The following ZNF528 variants were observed in gnomAD, a reference collection of about 807,000 sequenced individuals.
The protein encoded by ZNF528 is zinc finger protein 528.
In ZNF528, 9 loss-of-function variants were observed where a neutral mutation model predicts 13.3. The observed-to-expected ratio is 0.67, with a 90% CI of 0.41 to 1.18. The LOEUF (loss-of-function observed/expected upper bound fraction) is 1.18, where lower values mean the gene tolerates loss of function less well. ZNF528 is among the 50% of genes most tolerant of loss of function. The pLI, the probability that ZNF528 is intolerant of heterozygous loss-of-function variation, is 0.01. For missense variants in ZNF528, 858 were observed against 745.4 expected, an observed-to-expected ratio of 1.15 and a Z score of -1.76; for synonymous variants, 264 against 254.3, an observed-to-expected ratio of 1.04 and a Z score of -0.36.
intron 2 of ZNF528, among the ~76,000 whole-genome samples, chr19:52,400,164 T>A (rs1342584348): frequency 2.0e-5 from 3 of 151,416 alleles, no homozygotes; most frequent in African/African-American, 7.3e-5. Flanking sequence ...CACAGTGTCA[T>A]CAGATTTTAC....
intron 4 of ZNF528, among the ~76,000 whole-genome samples, chr19:52,405,423 C>T (rs1489287902): frequency 6.6e-6 from 1 of 151,540 alleles, no homozygotes; most frequent in Non-Finnish European, 1.5e-5. Flanking sequence ...CCCAGCTACT[C>T]CAGAGGCTGA....
chr19:52,413,633 T>C (rs1362325693), intron 6 of ZNF528: 1 of 152,496 alleles, frequency 6.6e-6, no homozygotes, highest in Non-Finnish European at 1.5e-5. Context: ...CTATTTCTGC[T>C]ACTGAAGGAG....
rs757277665 is a variant in ZNF528, at chr19:52,416,458, C to G, written c.1606C>G (p.Leu536Val). The G allele has an allele frequency of 3.7e-6, 6 of 1,614,158 alleles. No homozygotes were observed. The highest frequency in any genetic ancestry group is 5.1e-6 in the Non-Finnish European group (6 of 1,180,036). Residue 536 changes from leucine to valine, a missense_variant, in exon 7 of 7, where the codon CTT (leucine) becomes GTT (valine). Physicochemically the swap from Leu to Val is conservative, Grantham distance 32. Coordinates refer to ENST00000360465, the MANE Select transcript of ZNF528 (RefSeq NM_032423.3). ...CGKVFNQASY[L>V]TRHQIIHTGE... is the part of the protein sequence containing the mutation. Reference sequence around the variant, plus strand: ...CAAGGTCTTTAATCAAGCATCATACCTTACAAGACATCAAATAATTCATAC... The same window carrying G: ...CAAGGTCTTTAATCAAGCATCATACGTTACAAGACATCAAATAATTCATAC...
Position 52,415,585 on chromosome 19 carries a change from G to C in ZNF528, c.733G>C (p.Glu245Gln). Residue 245 changes from glutamate to glutamine, a missense_variant, in exon 7 of 7, where the codon GAA becomes CAA. Coordinates refer to ENST00000360465, the MANE Select transcript of ZNF528 (RefSeq NM_032423.3). Reference protein sequence around the residue: ...HTGEKPYKCHECGKLFSSNSN... With the variant: ...HTGEKPYKCHQCGKLFSSNSN... ...TGGAGAGAAGCCTTACAAATGTCAT[G>C]AATGTGGCAAGCTCTTCAGTAGCAA... 1.2e-6 allele frequency: 2 copies of C among 1,614,088 alleles called. No homozygotes were observed. The highest frequency in any genetic ancestry group is 1.7e-6 in the Non-Finnish European group (2 of 1,180,010).
At chr19:52,410,666 C>G (rs923829398) in intron 6 of ZNF528, among the ~76,000 whole-genome samples, 1 of 152,116 alleles carries the variant, frequency 6.6e-6, no homozygotes, top group Admixed American at 6.5e-5. Flanking sequence ...ATTGGCCTAC[C>G]TAAAAGTTCT....
Position 52,406,088 on chromosome 19 carries a change from G to A in ZNF528, c.142+55G>A, listed in dbSNP as rs1239702425. ...ATCTGCCCTGGTGGATCTCTGAATT[G>A]TGTCTTATATGCCTCTTGGGAGCTC... On this transcript the variant is annotated intron_variant, in intron 5 of 6. Coordinates refer to ENST00000360465, the MANE Select transcript of ZNF528 (RefSeq NM_032423.3). 4 of 1,567,434 alleles carry A rather than the reference G, an allele frequency of 2.6e-6. No individual in the cohort carries two copies. The East Asian group carries it at 6.9e-5, about 27-fold the overall frequency.
At chr19:52,414,602 G>T in intron 6 of ZNF528, 1 of 433,580 alleles carries the variant, frequency 2.3e-6, no homozygotes, top group Non-Finnish European at 4.2e-6. Context: ...ATTACCTTCA[G>T]CAAACCTTCT....
chr19:52,411,319 G>A (rs2058928195), intron 6 of ZNF528: 1 of 152,152 alleles, frequency 6.6e-6, no homozygotes, highest in South Asian at 2.1e-4. Context: ...TGCTTCTCGT[G>A]TAATGGTATA....
At chr19:52,413,483 A>G (rs748824279) in intron 6 of ZNF528, 2 of 152,216 alleles carry the variant, frequency 1.3e-5, no homozygotes, top group Non-Finnish European at 1.5e-5. Flanking sequence ...AATTCCTTCA[A>G]CAACTAAACT....
intron 6 of ZNF528, chr19:52,413,293 T>G (rs2058954906): frequency 6.6e-6 from 1 of 152,214 alleles, no homozygotes; most frequent in Admixed American, 6.5e-5. Context: ...CACGATTCTG[T>G]CTAGCCTGGT....
intron 6 of ZNF528, chr19:52,414,526 A>G (rs2058974506): frequency 5.4e-6 from 3 of 557,994 alleles, no homozygotes; most frequent in Admixed American, 3.1e-5. Flanking sequence ...GCAAGACTGC[A>G]TTCTTTGAAC....
intron 2 of ZNF528, among the ~76,000 whole-genome samples, chr19:52,399,366 C>T (rs1421841906): frequency 6.6e-6 from 1 of 152,172 alleles, no homozygotes. Context: ...AATCCCAGTA[C>T]TTTGGGAAGC....
chr19:52,415,031 C>CG (rs1244847908), intron 6 of ZNF528, 93 bp from the exon 7 acceptor site: 1 of 1,585,148 alleles, frequency 6.3e-7, no homozygotes, highest in East Asian at 2.3e-5. Context: ...CTACCAATGT[C>CG]TGAGTCAGGT....
intron 6 of ZNF528, chr19:52,413,225 T>C (rs1764531695): frequency 6.6e-6 from 1 of 152,160 alleles, no homozygotes; most frequent in Admixed American, 6.5e-5. Flanking sequence ...ATGTTCCAGG[T>C]CTGAATAAGG....
intron 2 of ZNF528, among the ~76,000 whole-genome samples, chr19:52,398,986 T>C (rs2058760542): frequency 6.6e-6 from 1 of 151,388 alleles, no homozygotes; most frequent in Non-Finnish European, 1.5e-5. Context: ...GAGGCAGAAA[T>C]ATATGGAGAT....
At position 52,416,385 on chromosome 19, in the gene ZNF528, T is replaced by A; in HGVS notation, c.1533T>A (p.His511Gln). ...VFSRSSNLVC[H>Q]QKIHTGEKPY... Reference sequence around the variant, plus strand: ...GTCGCAGTTCAAACCTGGTATGCCATCAGAAAATTCATACAGGAGAAAAGC... The same window carrying A: ...GTCGCAGTTCAAACCTGGTATGCCAACAGAAAATTCATACAGGAGAAAAGC... The change falls in exon 7 of 7, where the codon CAT (histidine) becomes CAA (glutamine). Residue 511 changes from histidine to glutamine, a missense_variant. Physicochemically the swap from His to Gln is conservative, Grantham distance 24. Coordinates refer to ENST00000360465, the MANE Select transcript of ZNF528 (RefSeq NM_032423.3). 2.5e-6 allele frequency: 4 copies of A among 1,613,998 alleles called. No individual in the cohort carries two copies. The highest frequency in any genetic ancestry group is 2.5e-6 in the Non-Finnish European group (3 of 1,179,888).
intron 6 of ZNF528, chr19:52,414,854 T>G: frequency 8.6e-7 from 1 of 1,161,120 alleles, no homozygotes; most frequent in African/African-American, 1.5e-5. Flanking sequence ...CATCCCTGCT[T>G]CTTCCCAGAA....
intron 6 of ZNF528, chr19:52,413,492 C>T (rs955013839): frequency 6.6e-6 from 1 of 152,164 alleles, no homozygotes; most frequent in African/African-American, 2.4e-5. Flanking sequence ...AACAACTAAA[C>T]TCTAGGGTAT....
At chr19:52,413,438 G>C (rs1438861264) in intron 6 of ZNF528, 1 of 152,080 alleles carries the variant, frequency 6.6e-6, no homozygotes, top group Non-Finnish European at 1.5e-5. Flanking sequence ...AAAGTGAATG[G>C]GCTCTGTACT....
Sources: gnomAD v4.1 joint callset for allele counts (sites outside exome capture counted in the v4.1 genomes callset) on GRCh38, gnomAD v4.1.1 for gene constraint, MANE v1.5 for transcripts, NCBI Gene and HGNC (gene_info 2026-07-23, HGNC 2026-07-21) for gene names.